Variants in ESRP1 observed in about 807,000 individuals in gnomAD.
The protein encoded by ESRP1 is epithelial splicing regulatory protein 1.
A neutral mutation model predicts 81.7 loss-of-function variants in ESRP1; 33 were observed. The ratio of observed to expected loss-of-function variants is 0.40; its 90% CI spans 0.31 to 0.54. ESRP1 has a LOEUF of 0.54. ESRP1 is among the 20% of genes least tolerant of loss of function. The pLI is 0.41. For synonymous variants in ESRP1, 320 were observed against 303.3 expected (o/e 1.06, Z -0.57); for missense variants, 672 against 833.1 (o/e 0.81, Z 2.38).
chr8:94,646,076 T>G (rs1817835324), intron 3 of ESRP1, 92 bp from the exon 4 acceptor site: 6 of 644,434 alleles, frequency 9.3e-6, no homozygotes, highest in Non-Finnish European at 1.6e-5. Context: ...CATTGTAAAA[T>G]ATGCTTATAT....
chr8:94,652,455 A>C (rs1027978876), intron 4 of ESRP1, among the ~76,000 whole-genome samples: 5 of 150,316 alleles, frequency 3.3e-5, no homozygotes, highest in African/African-American at 1.2e-4. Context: ...AGGGTGTGAG[A>C]TGATAGGGAC....
At chr8:94,669,173 A>G (rs1819179056) in intron 10 of ESRP1, among the ~76,000 whole-genome samples, 1 of 152,152 alleles carries the variant, frequency 6.6e-6, no homozygotes, top group South Asian at 2.1e-4. Context: ...TAGAATCTCA[A>G]GCTTTTCGAC....
intron 15 of ESRP1, among the ~76,000 whole-genome samples, chr8:94,700,783 G>T (rs930820744): frequency 1.8e-4 from 28 of 152,002 alleles, no homozygotes; most frequent in African/African-American, 6.8e-4. Flanking sequence ...CAAAAAATCA[G>T]CTGGGTGTGG....
In ESRP1 at chr8:94,696,924, T is replaced by G. The variant is rs776556357; in HGVS notation, c.2044T>G (p.Ter682GluextTer14). 1 of 1,585,152 alleles carries G rather than the reference T, an allele frequency of 6.3e-7. No individual in the cohort carries two copies. Among genetic ancestry groups the G allele is most frequent in the South Asian group, 1.2e-5 (1 of 86,430 alleles). Reference sequence around the variant, plus strand: ...TCTACCCAAAGAATGGGTTTGTATTTAAGGGCCCCAGCAGTTAGAACATCC... The same window carrying G: ...TCTACCCAAAGAATGGGTTTGTATTGAAGGGCCCCAGCAGTTAGAACATCC... ...RTLPKEWVCI[*>E] is the part of the protein sequence containing the mutation. The change falls in exon 15 of 16, where the codon TAA becomes GAA. Residue 682 changes from the stop codon to glutamate (E), a stop_lost. Coordinates refer to ENST00000433389, the MANE Select transcript of ESRP1 (RefSeq NM_017697.4).
chr8:94,651,443 TCA>T (rs943243522), intron 4 of ESRP1, among the ~76,000 whole-genome samples: 2 of 151,712 alleles, frequency 1.3e-5, no homozygotes, highest in African/African-American at 4.8e-5. Context: ...AGTTGTAGAG[TCA>T]CAAAGTCTGA....
rs556722234 is a variant in ESRP1, at chr8:94,672,693, C to T, written c.1452+1022C>T. Reference sequence around the variant, plus strand: ...GATTACAGGTGCCCACCACCATTCCCGGCTAATTTTGGTATTTTTAGTAGA... The same window carrying T: ...GATTACAGGTGCCCACCACCATTCCTGGCTAATTTTGGTATTTTTAGTAGA... On this transcript the variant is annotated intron_variant, in intron 11 of 15. Coordinates refer to ENST00000433389, the MANE Select transcript of ESRP1 (RefSeq NM_017697.4). 4.4e-3 allele frequency among the ~76,000 whole-genome samples: 670 copies of T among 152,170 alleles called. 8 individuals are homozygous for T. Among genetic ancestry groups the T allele is most frequent in the African/African-American group, 0.016 (650 of 41,524 alleles).
intron 4 of ESRP1, among the ~76,000 whole-genome samples, chr8:94,655,007 G>T (rs546087335): frequency 1.3e-5 from 2 of 151,398 alleles, no homozygotes; most frequent in Non-Finnish European, 2.9e-5. Context: ...GTTGGGAGAA[G>T]ACAAAACTAG....
intron 13 of ESRP1, among the ~76,000 whole-genome samples, chr8:94,681,176 A>C (rs1176797002): frequency 2.0e-5 from 3 of 151,728 alleles, no homozygotes; most frequent in African/African-American, 7.3e-5. Flanking sequence ...AATACAAAAA[A>C]TTAGCCGGGC....
intron 15 of ESRP1, among the ~76,000 whole-genome samples, chr8:94,704,103 A>G (rs1272446110): frequency 2.0e-5 from 3 of 151,354 alleles, no homozygotes; most frequent in Admixed American, 2.0e-4. Context: ...TTAGATTTGT[A>G]CCATTTGTAG....
intron 4 of ESRP1, among the ~76,000 whole-genome samples, chr8:94,660,729 A>C (rs1192756057): frequency 7.5e-6 from 1 of 133,756 alleles, no homozygotes; most frequent in East Asian, 2.6e-4. Flanking sequence ...AAAAAAAAAA[A>C]AAAAAAAAAA....
intron 13 of ESRP1, among the ~76,000 whole-genome samples, chr8:94,689,869 T>C (rs1809315128): frequency 7.0e-6 from 1 of 143,528 alleles, no homozygotes; most frequent in Admixed American, 7.3e-5. Flanking sequence ...CAGGCTGGAG[T>C]GCAGTGGCGC....
At chr8:94,686,229 T>C (rs1809134523) in intron 13 of ESRP1, among the ~76,000 whole-genome samples, 1 of 152,184 alleles carries the variant, frequency 6.6e-6, no homozygotes, top group African/African-American at 2.4e-5. Context: ...AGGGCTGGCC[T>C]ACGTTACCTA....
At chr8:94,702,277 G>A (rs1375347482) in intron 15 of ESRP1, among the ~76,000 whole-genome samples, 1 of 152,012 alleles carries the variant, frequency 6.6e-6, no homozygotes, top group African/African-American at 2.4e-5. Context: ...TAAGCAACAG[G>A]GCTTTGCTTT....
At chr8:94,671,102 C>T (rs1694338579) in intron 10 of ESRP1, among the ~76,000 whole-genome samples, 1 of 152,160 alleles carries the variant, frequency 6.6e-6, no homozygotes, top group Non-Finnish European at 1.5e-5. Context: ...ATAAAAGTGG[C>T]AGCTTTAGGG....
intron 4 of ESRP1, among the ~76,000 whole-genome samples, chr8:94,660,638 T>C (rs1482955701): frequency 7.5e-6 from 1 of 132,606 alleles, no homozygotes; most frequent in Non-Finnish European, 1.5e-5. Context: ...CTCGGGAGGC[T>C]GAGGTAGAGG....
chr8:94,669,765 G>A (rs2130634463), intron 10 of ESRP1, among the ~76,000 whole-genome samples: 1 of 151,556 alleles, frequency 6.6e-6, no homozygotes, highest in African/African-American at 2.4e-5. Context: ...AGCTACTCGG[G>A]AGGCTGAGGC....
intron 13 of ESRP1, among the ~76,000 whole-genome samples, chr8:94,683,857 A>G (rs1462848651): frequency 6.6e-6 from 1 of 152,168 alleles, no homozygotes; most frequent in Admixed American, 6.5e-5. Context: ...GAGAGTTCAG[A>G]ATGGCTTTCA....
chr8:94,687,945 G>C (rs1809206972), intron 13 of ESRP1, among the ~76,000 whole-genome samples: 1 of 151,684 alleles, frequency 6.6e-6, no homozygotes, highest in South Asian at 2.1e-4. Context: ...TTACACTTTT[G>C]GTGTGATGTC....
At chr8:94,662,782 G>A (rs1818815684) in intron 6 of ESRP1, among the ~76,000 whole-genome samples, 1 of 152,006 alleles carries the variant, frequency 6.6e-6, no homozygotes, top group Non-Finnish European at 1.5e-5. Flanking sequence ...TAATTTTTTT[G>A]TAGTTTTAGT....
Sources: allele counts gnomAD v4.1 joint callset (sites outside exome capture counted in the v4.1 genomes callset), GRCh38; gene constraint gnomAD v4.1.1; transcripts MANE v1.5; gene names NCBI Gene and HGNC (gene_info 2026-07-23, HGNC 2026-07-21).